The following DNAI7 variants were observed in gnomAD, a reference collection of about 807,000 sequenced individuals.
DNAI7 encodes the protein dynein axonemal intermediate chain 7.
In DNAI7, 78 loss-of-function variants were observed where a neutral mutation model predicts 86.6. The ratio of observed to expected loss-of-function variants is 0.90; its 90% CI spans 0.75 to 1.09. The LOEUF (loss-of-function observed/expected upper bound fraction) is 1.09, where lower values mean the gene tolerates loss of function less well. DNAI7 is among the 50% of genes least tolerant of loss of function. The probability of loss-of-function intolerance (pLI) is 0.00; values close to 1 mark genes in which losing one functional copy is unlikely to be tolerated. For missense variants in DNAI7, 753 were observed against 810.2 expected, an observed-to-expected ratio of 0.93 and a Z score of 0.86; for synonymous variants, 274 against 273.0, an observed-to-expected ratio of 1.00 and a Z score of -0.04.
At chr12:25,132,515 T>C (rs1943054949) in intron 9 of DNAI7, among the ~76,000 whole-genome samples, 1 of 140,740 alleles carries the variant, frequency 7.1e-6, no homozygotes, top group Non-Finnish European at 1.5e-5. Context: ...ACAATTATTT[T>C]AATTTGTGGA....
chr12:25,175,657 T>C (rs1191783412), intron 2 of DNAI7, among the ~76,000 whole-genome samples: 1 of 152,116 alleles, frequency 6.6e-6, no homozygotes, highest in Non-Finnish European at 1.5e-5. Context: ...TCTACACATT[T>C]TTAAGGTGTC....
chr12:25,115,891 A>G (rs1012866613), intron 12 of DNAI7, among the ~76,000 whole-genome samples: 1 of 152,210 alleles, frequency 6.6e-6, no homozygotes, highest in African/African-American at 2.4e-5. Flanking sequence ...GACCTGTTCA[A>G]CATTCCAACC....
chr12:25,173,735 G>GAT lies in DNAI7; in HGVS notation c.22-12540_22-12539dup, dbSNP rs374876601. On this transcript the variant is annotated intron_variant, in intron 2 of 15. Transcript: ENST00000395987. The stretch of plus-strand genomic sequence containing the variant: ...ATCAATCAACAAGTAGATAAACTGT[G>GAT]ATATATATATATACACACACACATG... 6.0e-3 allele frequency among the ~76,000 whole-genome samples: 909 copies of GAT among 150,452 alleles called. 9 individuals carry two copies. The highest frequency in any genetic ancestry group is 0.02 in the African/African-American group (839 of 41,098).
intron 1 of DNAI7, 163 bp downstream of exon 1, chr12:25,194,913 C>G: frequency 1.2e-6 from 2 of 1,614,130 alleles, no homozygotes; most frequent in African/African-American, 2.7e-5. Context: ...GTAAGGAAAG[C>G]CATTGCTGAG....
chr12:25,158,700 T>C (rs1248448904), intron 3 of DNAI7, 137 bp from the exon 4 acceptor site: 78 of 1,490,546 alleles, frequency 5.2e-5, no homozygotes, highest in Non-Finnish European at 6.8e-5. Flanking sequence ...ATGGTAGATA[T>C]GAGAAAAGTG....
intron 14 of DNAI7, among the ~76,000 whole-genome samples, chr12:25,110,507 C>A (rs1949739383): frequency 6.6e-6 from 1 of 152,196 alleles, no homozygotes. Flanking sequence ...TTTTTCTTCT[C>A]CCTTTGCTCT....
intron 9 of DNAI7, among the ~76,000 whole-genome samples, chr12:25,144,122 A>C (rs559372350): frequency 6.6e-6 from 1 of 152,340 alleles, no homozygotes; most frequent in East Asian, 1.9e-4. Flanking sequence ...CCGGTTGTGC[A>C]CCTAATATAA....
intron 9 of DNAI7, among the ~76,000 whole-genome samples, chr12:25,134,617 A>C (rs944631447): frequency 2.0e-4 from 30 of 151,730 alleles, no homozygotes; most frequent in African/African-American, 6.8e-4. Context: ...TCAGCCTCCC[A>C]AAGTGCTGGG....
intron 2 of DNAI7, among the ~76,000 whole-genome samples, chr12:25,188,427 G>A (rs1311159951): frequency 3.3e-5 from 5 of 152,050 alleles, no homozygotes; most frequent in African/African-American, 7.2e-5. Context: ...TGTACCATGT[G>A]TGTTCATTAA....
At chr12:25,136,872 A>G (rs190245598) in intron 9 of DNAI7, among the ~76,000 whole-genome samples, 1 of 152,314 alleles carries the variant, frequency 6.6e-6, no homozygotes, top group African/African-American at 2.4e-5. Flanking sequence ...AAAAGAAAAA[A>G]GAATTTTAAA....
intron 12 of DNAI7, among the ~76,000 whole-genome samples, chr12:25,118,208 C>A (rs867948739): frequency 6.6e-6 from 1 of 152,072 alleles, no homozygotes; most frequent in South Asian, 2.1e-4. Context: ...GCTGGGATTA[C>A]AGGCGTGAGC....
intron 2 of DNAI7, among the ~76,000 whole-genome samples, chr12:25,185,298 T>C (rs1333682955): frequency 6.6e-6 from 1 of 152,216 alleles, no homozygotes; most frequent in Non-Finnish European, 1.5e-5. Flanking sequence ...GTATACATTG[T>C]AGTGAGCACT....
intron 2 of DNAI7, among the ~76,000 whole-genome samples, chr12:25,167,593 C>T (rs2141105555): frequency 6.6e-6 from 1 of 152,242 alleles, no homozygotes; most frequent in African/African-American, 2.4e-5. Context: ...CTTTGCATTT[C>T]CCTTTCTTCC....
rs183043160 is a variant in DNAI7 at position 25,169,883 on chromosome 12, C to A, written c.22-8686G>T. Among the ~76,000 whole-genome samples the A allele has an allele frequency of 3.3e-5, 5 of 150,300 alleles. No individual in the cohort carries two copies. The East Asian group carries it at 9.8e-4, about 29-fold the overall frequency. ...AAAAAAAGAAAAAAAAGATACAGAACCACAGATGGATAAGAACTCCCCAAT... is the reference window on the plus strand; with the variant it reads ...AAAAAAAGAAAAAAAAGATACAGAAACACAGATGGATAAGAACTCCCCAAT... On this transcript the variant is annotated intron_variant, in intron 2 of 15. Coordinates refer to ENST00000395987, the MANE Select transcript of DNAI7 (RefSeq NM_018272.5).
At chr12:25,152,198 T>C (rs1031558595) in intron 6 of DNAI7, among the ~76,000 whole-genome samples, 3 of 152,194 alleles carry the variant, frequency 2.0e-5, no homozygotes, top group African/African-American at 7.2e-5. Context: ...ATAAGCCCTT[T>C]TCAACCTCAC....
At position 25,114,750 on chromosome 12, in the gene DNAI7, A is replaced by G; in HGVS notation, c.1517T>C (p.Met506Thr). 1.2e-6 allele frequency: 2 copies of G among 1,613,910 alleles called. No homozygotes were observed. Among genetic ancestry groups the G allele is most frequent in the South Asian group, 2.2e-5 (2 of 91,072 alleles). The stretch of plus-strand genomic sequence containing the variant: ...TCTTAGTTCCCATGACTGGTACGGC[A>G]TGTTAATATGAGCATCTTGAATCAA... ...VTLIQDAHIN[M>T]PYQSWELRPL... Residue 506 changes from methionine to threonine, a missense_variant, in exon 13 of 16, where the codon ATG becomes ACG. Coordinates refer to ENST00000395987, the MANE Select transcript of DNAI7 (RefSeq NM_018272.5).
At chr12:25,126,564 C>T (rs886581740) in intron 9 of DNAI7, among the ~76,000 whole-genome samples, 1 of 151,768 alleles carries the variant, frequency 6.6e-6, no homozygotes, top group African/African-American at 2.4e-5. Context: ...GGAGAGGCTA[C>T]GGCTGATGTT....
intron 2 of DNAI7, among the ~76,000 whole-genome samples, chr12:25,168,987 T>G (rs1480192102): frequency 6.6e-6 from 1 of 152,144 alleles, no homozygotes; most frequent in African/African-American, 2.4e-5. Flanking sequence ...TAATCCCGCT[T>G]GAAGCAGCCC....
At chr12:25,131,278 T>C (rs1205291956) in intron 9 of DNAI7, among the ~76,000 whole-genome samples, 2 of 152,140 alleles carry the variant, frequency 1.3e-5, no homozygotes, top group Non-Finnish European at 2.9e-5. Flanking sequence ...GACAAAAAAG[T>C]TGAGTATCAT....
Sources: allele counts gnomAD v4.1 joint callset (sites outside exome capture counted in the v4.1 genomes callset), GRCh38; gene constraint gnomAD v4.1.1; transcripts MANE v1.5; gene names NCBI Gene and HGNC (gene_info 2026-07-23, HGNC 2026-07-21).